MADD: variants seen among roughly 807,000 people sequenced by gnomAD.
MADD encodes the protein MAP kinase-activating death domain protein.
In MADD, 109 loss-of-function variants were observed where a neutral mutation model predicts 176.7. That is an observed-to-expected ratio of 0.62 (90% CI 0.53 to 0.72). The LOEUF is 0.72. MADD is among the 30% of genes least tolerant of loss of function. MADD has a pLI of 0.00. For synonymous variants in MADD, 771 were observed against 771.3 expected (o/e 1.00, Z 0.01); for missense variants, 1,914 against 2,045.5 (o/e 0.94, Z 1.24).
At chr11:47,292,767 C>T (rs41299177) in intron 19 of MADD, among the ~76,000 whole-genome samples, 171 bp downstream of exon 21, 4 of 152,234 alleles carry the variant, frequency 2.6e-5, no homozygotes, top group Non-Finnish European at 4.4e-5. Flanking sequence ...TAGGCCGCTT[C>T]TTTCCCCCTC....
chr11:47,296,336 G>A lies in MADD; in HGVS notation c.3642+281G>A, dbSNP rs186272137. Among the ~76,000 whole-genome samples, 8 of 152,242 alleles carry A rather than the reference G, an allele frequency of 5.3e-5. No individual in the cohort carries two copies. The East Asian group carries it at 1.3e-3, about 26-fold the overall frequency. ...GAATCCTATGTAGTATTAACCCCCA[G>A]GTTTAACACAGGCAAAGTAATACCT... On this transcript the variant is annotated intron_variant, in intron 22 of 32. Transcript: ENST00000402192.
At chr11:47,281,625 A>G in exon 8 of MADD, 1 of 1,613,114 alleles carries the variant, frequency 6.2e-7, no homozygotes, top group Non-Finnish European at 8.5e-7. Flanking sequence ...ATCTGGAGAA[A>G]TTTCATGAGG....
intron 27 of MADD, among the ~76,000 whole-genome samples, chr11:47,316,368 ATTTTTTTTTTCTTTTTC>A (rs2092936379): frequency 8.0e-6 from 1 of 124,928 alleles, no homozygotes; most frequent in South Asian, 2.6e-4. Context: ...ATTCCAGTGG[ATTTTTTTTTTCTTTTTC>A]TTTTTTTTTT....
At chr11:47,304,753 G>A (rs1209908985) in intron 22 of MADD, among the ~76,000 whole-genome samples, 1 of 151,654 alleles carries the variant, frequency 6.6e-6, no homozygotes, top group Non-Finnish European at 1.5e-5. Context: ...CCTTTTCATT[G>A]GGGTCTATTA....
In MADD at chr11:47,270,208, C is replaced by T. The variant is rs1054582558; in HGVS notation, c.-127C>T. 1.4e-4 allele frequency: 21 copies of T among 152,156 alleles called. No homozygotes were observed. Among genetic ancestry groups the T allele is most frequent in the Admixed American group, 1.4e-3 (21 of 15,290 alleles). 9.4% of individuals were successfully genotyped at this position (152,156 alleles called of 1,614,324 possible). A position where few individuals can be genotyped will look rare whatever the true frequency, so the allele number is the denominator to read the frequency against. On this transcript the variant is annotated 5_prime_UTR_variant, in exon 1 of 33. It adds an upstream start codon to the 5' untranslated region. Transcript: ENST00000402192. ...CGACTGACGCCCCGCTGCCGGGGGA[C>T]GTCGGGCTGGGCCTGGCCAGTCCCC...
At chr11:47,323,953 C>G (rs1252743282) in intron 28 of MADD, 118 bp downstream of exon 31, 1 of 1,164,862 alleles carries the variant, frequency 8.6e-7, no homozygotes, top group African/African-American at 1.5e-5. Flanking sequence ...CTGTCTCCAG[C>G]TGTTGGGTGG....
rs747722791 is a variant in MADD at position 47,290,005 on chromosome 11, C to A, written c.2895C>A (p.Arg965=). 7.5e-5 allele frequency: 121 copies of A among 1,614,016 alleles called. No homozygotes were observed. Among genetic ancestry groups the A allele is most frequent in the Non-Finnish European group, 9.1e-5 (107 of 1,180,030 alleles). Reference sequence around the variant, plus strand: ...TCTTTGTCCTGAGCAAGCTGAACCGCATGGTGCAGTCAGAGGACGATGCCC... The same window carrying A: ...TCTTTGTCCTGAGCAAGCTGAACCGAATGGTGCAGTCAGAGGACGATGCCC... The change falls in exon 17 of 33, where the codon CGC becomes CGA. Residue 965 remains arginine, a synonymous_variant. Transcript: ENST00000402192.
Position 47,324,585 on chromosome 11 carries a change from C to A in MADD, c.4542+8C>A. 1 of 1,593,846 alleles carries A rather than the reference C, an allele frequency of 6.3e-7. No individual in the cohort carries two copies. The highest frequency in any genetic ancestry group is 8.6e-7 in the Non-Finnish European group (1 of 1,163,040). On this transcript the variant is annotated splice_region_variant and intron_variant, in intron 30 of 32. Transcript: ENST00000402192. ...AAATTCATGCACAATCAGGTAGGTGCGAGCGGCAGCACGAGGCTCCCTGTC... is the reference window on the plus strand; with the variant it reads ...AAATTCATGCACAATCAGGTAGGTGAGAGCGGCAGCACGAGGCTCCCTGTC...
Position 47,276,054 on chromosome 11 carries a change from T to TTAGG in MADD, c.815_816insTAGG (p.Pro273ArgfsTer121). The TTAGG allele has an allele frequency of 1.2e-6, 2 of 1,614,212 alleles. No individual in the cohort carries two copies. The highest frequency in any genetic ancestry group is 1.7e-6 in the Non-Finnish European group (2 of 1,180,034). Reference sequence around the variant, plus strand: ...CAGAAGCGAGTAGACATCGAGGTCCTACCCCAAGAGCTCCAGCCAGCTCTG... The same window carrying TTAGG: ...CAGAAGCGAGTAGACATCGAGGTCCTTAGGACCCCAAGAGCTCCAGCCAGCTCTG... On this transcript the variant is annotated frameshift_variant, in exon 4 of 33. Coordinates refer to ENST00000402192, the Ensembl canonical transcript of MADD. LOFTEE classifies it high-confidence loss of function.
chr11:47,278,613 C>G (rs1262170626), intron 6 of MADD, among the ~76,000 whole-genome samples: 2 of 152,026 alleles, frequency 1.3e-5, no homozygotes, highest in Non-Finnish European at 2.9e-5. Flanking sequence ...GGTATAGTTT[C>G]CAGTAAGAAA....
intron 22 of MADD, among the ~76,000 whole-genome samples, chr11:47,305,932 A>G (rs997913748): frequency 1.1e-4 from 16 of 152,242 alleles, no homozygotes; most frequent in East Asian, 1.9e-4. Context: ...CCTGGGGACA[A>G]TGTGCTGCTT....
At position 47,284,670 on chromosome 11, in the gene MADD, T is replaced by C; in HGVS notation, c.2157+105T>C. The C allele has an allele frequency of 3.5e-6, 5 of 1,417,862 alleles. No individual in the cohort carries two copies. In the South Asian group the frequency reaches 4.0e-5, roughly 11 times the overall value. The allele number at this position is 1,417,862 out of a possible 1,614,324, so 87.8% of individuals were successfully genotyped here. ...ATTCATTTGCTGCTTCTCACACAAT[T>C]TTCTCATCTTCCTCTTCATGGGCCC... On this transcript the variant is annotated intron_variant, in intron 12 of 32. Transcript: ENST00000402192.
intron 22 of MADD, among the ~76,000 whole-genome samples, chr11:47,296,988 C>T (rs960187402): frequency 5.3e-5 from 8 of 151,966 alleles, no homozygotes; most frequent in South Asian, 2.1e-4. Context: ...TTGTCTAGGC[C>T]AGTCTCAAAC....
intron 22 of MADD, among the ~76,000 whole-genome samples, chr11:47,298,206 A>G (rs988234391): frequency 6.6e-6 from 1 of 152,236 alleles, no homozygotes; most frequent in African/African-American, 2.4e-5. Flanking sequence ...TTTCAAACCA[A>G]TAAGGATGAC....
intron 31 of MADD, chr11:47,327,314 C>T (rs1273429439): frequency 5.4e-5 from 53 of 988,080 alleles, no homozygotes; most frequent in Non-Finnish European, 5.9e-5. Flanking sequence ...CAGCTGTAGC[C>T]GGAAGCTGGG....
intron 22 of MADD, among the ~76,000 whole-genome samples, chr11:47,307,722 G>T (rs2084122049): frequency 6.6e-6 from 1 of 151,896 alleles, no homozygotes. Context: ...AAGCTGGAGT[G>T]CAGTGGTGCA....
chr11:47,282,285 C>T (rs2057519004), intron 8 of MADD, 96 bp from the exon 9 acceptor site: 1 of 905,354 alleles, frequency 1.1e-6, no homozygotes, highest in East Asian at 2.4e-5. Flanking sequence ...TGTTGGAAGC[C>T]TGTTAAGTGA....
intron 30 of MADD, among the ~76,000 whole-genome samples, chr11:47,326,094 G>A (rs2095428383): frequency 6.6e-6 from 1 of 151,820 alleles, no homozygotes; most frequent in Non-Finnish European, 1.5e-5. Flanking sequence ...CCACGTTCAT[G>A]GGCAAAGAAA....
At chr11:47,281,782 A>T (rs1485132953) in intron 8 of MADD, 29 bp downstream of exon 8, 2 of 1,526,574 alleles carry the variant, frequency 1.3e-6, no homozygotes, top group African/African-American at 2.8e-5. Flanking sequence ...TATAATCACA[A>T]GTTCTTAAAT....
Sources: gnomAD v4.1 joint callset for allele counts (sites outside exome capture counted in the v4.1 genomes callset) on GRCh38, gnomAD v4.1.1 for gene constraint, MANE v1.5 for transcripts, NCBI Gene and HGNC (gene_info 2026-07-23, HGNC 2026-07-21) for gene names.